The following AMMECR1 variants were observed in gnomAD, a reference collection of about 807,000 sequenced individuals.
AMMECR1 encodes AMMECR nuclear protein 1.
A neutral mutation model predicts 22.5 loss-of-function variants in AMMECR1; 3 were observed. That is an observed-to-expected ratio of 0.13 (90% CI 0.06 to 0.35). The LOEUF (loss-of-function observed/expected upper bound fraction) is 0.35. Among genes scored for constraint, AMMECR1 ranks in the 10% least tolerant of loss-of-function variants. The pLI is 1.00. For synonymous variants in AMMECR1, 130 were observed against 116.7 expected, an observed-to-expected ratio of 1.11 and a Z score of -0.74; for missense variants, 235 against 278.7, an observed-to-expected ratio of 0.84 and a Z score of 1.12.
At chrX:110,243,798 T>C (rs748989297) in intron 2 of AMMECR1, among the ~76,000 whole-genome samples, 23 of 111,795 alleles carry the variant, frequency 2.1e-4, no homozygotes, top group African/African-American at 7.1e-4. Context: ...CTATTTTATT[T>C]ATTTTAATTT....
intron 3 of AMMECR1, among the ~76,000 whole-genome samples, chrX:110,211,461 A>G (rs1368016372): frequency 8.9e-6 from 1 of 112,153 alleles, no homozygotes; most frequent in Non-Finnish European, 1.9e-5. Context: ...TGGCTCCCAA[A>G]CAGTTTAACT....
intron 2 of AMMECR1, chrX:110,224,981 A>G (rs776239321): frequency 1.7e-5 from 6 of 356,631 alleles, no homozygotes; most frequent in Non-Finnish European, 3.2e-5. Flanking sequence ...AAAAAAATCC[A>G]TAGAATCCCT....
intron 2 of AMMECR1, among the ~76,000 whole-genome samples, chrX:110,394,189 A>C (rs1165770771): frequency 8.9e-6 from 1 of 112,799 alleles, no homozygotes; most frequent in Non-Finnish European, 1.9e-5. Flanking sequence ...ACTTATTGTT[A>C]ATGTTTAATT....
intron 1 of AMMECR1, among the ~76,000 whole-genome samples, chrX:110,301,204 T>C (rs908875836): frequency 2.7e-5 from 3 of 112,696 alleles, no homozygotes; most frequent in Admixed American, 1.9e-4. Flanking sequence ...TGTGTGTCCA[T>C]TGAAGTATCT....
chrX:110,328,541 C>G (rs976554831), intron 2 of AMMECR1, among the ~76,000 whole-genome samples: 1 of 99,822 alleles, frequency 1.0e-5, no homozygotes, highest in Non-Finnish European at 2.0e-5. Context: ...TAGGTATAGA[C>G]GTGCCATGGT....
In AMMECR1 at chrX:110,194,352, A is replaced by C. The variant is rs1240244365; in HGVS notation, c.*4168T>G. On this transcript the variant is annotated 3_prime_UTR_variant, in exon 6 of 6. Coordinates refer to ENST00000262844, the MANE Select transcript of AMMECR1 (RefSeq NM_015365.3). Reference sequence around the variant, plus strand: ...TGTAAAGCCATACATGTCATATAAAATGCCCATTTCCAATAGTTTCTTCAA... The same window carrying C: ...TGTAAAGCCATACATGTCATATAAACTGCCCATTTCCAATAGTTTCTTCAA... 3 of 112,132 alleles carry C rather than the reference A, an allele frequency of 2.7e-5. No homozygotes were observed. The highest frequency in any genetic ancestry group is 3.2e-5 in the African/African-American group (1 of 30,810). 9.2% of individuals were successfully genotyped at this position (112,132 alleles called of 1,213,427 possible). A position where few individuals can be genotyped will look rare whatever the true frequency, so the allele number is the denominator to read the frequency against.
chrX:110,328,801 C>CT (rs977336116), intron 2 of AMMECR1, among the ~76,000 whole-genome samples: 3 of 111,574 alleles, frequency 2.7e-5, no homozygotes, highest in African/African-American at 9.8e-5. Flanking sequence ...TGAACTCATC[C>CT]TTTTTTATGG....
intron 2 of AMMECR1, among the ~76,000 whole-genome samples, chrX:110,347,846 A>G (rs1200880917): frequency 8.9e-6 from 1 of 112,046 alleles, no homozygotes; most frequent in African/African-American, 3.2e-5. Context: ...ACATGATTCC[A>G]TCTATACAGA....
chrX:110,263,111 T>C (rs776684030), intron 2 of AMMECR1, among the ~76,000 whole-genome samples: 96 of 111,257 alleles, frequency 8.6e-4, no homozygotes, highest in African/African-American at 3.0e-3. Flanking sequence ...TTGCCATTGA[T>C]TAGTATTAAA....
chrX:110,290,002 C>A (rs1289280416), intron 1 of AMMECR1, among the ~76,000 whole-genome samples: 2 of 111,209 alleles, frequency 1.8e-5, no homozygotes, highest in Non-Finnish European at 3.8e-5. Context: ...TGCTCTATTT[C>A]CTGGAATACA....
chrX:110,345,147 A>G (rs1602914590), intron 2 of AMMECR1, among the ~76,000 whole-genome samples: 1 of 112,327 alleles, frequency 8.9e-6, no homozygotes, highest in East Asian at 2.8e-4. Flanking sequence ...CATATACACC[A>G]TGGAATACTA....
intron 2 of AMMECR1, among the ~76,000 whole-genome samples, chrX:110,375,004 A>G (rs1240456526): frequency 9.0e-6 from 1 of 111,593 alleles, no homozygotes; most frequent in Non-Finnish European, 1.9e-5. Context: ...AGGAAAGAGC[A>G]AGAAGGCTGG....
chrX:110,319,335 C>A (rs747668055), upstream of AMMECR1, among the ~76,000 whole-genome samples: 2 of 112,388 alleles, frequency 1.8e-5, no homozygotes, highest in East Asian at 5.5e-4. Context: ...TTAAAAACTG[C>A]AGATTGATTT....
intron 3 of AMMECR1, among the ~76,000 whole-genome samples, chrX:110,209,608 G>T (rs1203079855): frequency 8.9e-6 from 1 of 111,757 alleles, no homozygotes; most frequent in Admixed American, 9.5e-5. Flanking sequence ...GAAAGTTAGG[G>T]ACCTCTTCTT....
intron 2 of AMMECR1, among the ~76,000 whole-genome samples, chrX:110,391,069 A>G (rs1321665012): frequency 9.0e-6 from 1 of 111,518 alleles, no homozygotes; most frequent in Non-Finnish European, 1.9e-5. Flanking sequence ...CCTTCCTTCC[A>G]TGACTTTGGG....
intron 2 of AMMECR1, among the ~76,000 whole-genome samples, chrX:110,243,711 G>A (rs2067644686): frequency 8.9e-6 from 1 of 111,912 alleles, no homozygotes; most frequent in African/African-American, 3.2e-5. Context: ...AGAAGTTTGA[G>A]GATTCAGCTG....
At chrX:110,292,252 T>G (rs1199448329) in intron 1 of AMMECR1, among the ~76,000 whole-genome samples, 1 of 112,354 alleles carries the variant, frequency 8.9e-6, no homozygotes, top group African/African-American at 3.2e-5. Context: ...TCTTGTTTAT[T>G]GCTGGTGGGA....
At chrX:110,271,731 G>C (rs1382033352) in intron 1 of AMMECR1, among the ~76,000 whole-genome samples, 1 of 110,952 alleles carries the variant, frequency 9.0e-6, no homozygotes, top group East Asian at 2.8e-4. Context: ...ACATTTAAAG[G>C]GAAAAATAGC....
At position 110,219,405 on chromosome X, in the gene AMMECR1, C is replaced by T. The variant is rs768535669; in HGVS notation, c.585-2773G>A. On this transcript the variant is annotated intron_variant, in intron 2 of 5. Coordinates refer to ENST00000262844, the MANE Select transcript of AMMECR1 (RefSeq NM_015365.3). ...ATTTTAAAAATACACATGCTGAAGT[C>T]GCTATACAGTTAATTTCTCAATACT... 10 of 751,089 alleles carry T rather than the reference C, an allele frequency of 1.3e-5. No individual in the cohort carries two copies. In the South Asian group the frequency reaches 4.1e-4, roughly 31 times the overall value. The allele number at this position is 751,089 out of a possible 1,213,427, so 61.9% of individuals were successfully genotyped here. A position where few individuals can be genotyped will look rare whatever the true frequency, so the allele number is the denominator to read the frequency against.
Sources: gnomAD v4.1 joint callset for allele counts (sites outside exome capture counted in the v4.1 genomes callset) on GRCh38, gnomAD v4.1.1 for gene constraint, MANE v1.5 for transcripts, NCBI Gene and HGNC (gene_info 2026-07-23, HGNC 2026-07-21) for gene names.